TMEM114: variants seen among roughly 807,000 people sequenced by gnomAD.
TMEM114 encodes the protein claudin-26.
A neutral mutation model predicts 6.2 loss-of-function variants in TMEM114; 6 were observed. The ratio of observed to expected loss-of-function variants is 0.97; its 90% CI spans 0.53 to 1.91. TMEM114 has a LOEUF of 1.91. Ranked by LOEUF, TMEM114 falls within the 40% of genes most tolerant of loss-of-function variation. TMEM114 has a pLI of 0.01. For synonymous variants in TMEM114, 104 were observed against 73.0 expected (o/e 1.42, Z -2.16); for missense variants, 218 against 158.3 (o/e 1.38, Z -2.02).
chr16:8,544,224 C>A (rs528114665), intron 2 of TMEM114, among the ~76,000 whole-genome samples: 95 of 152,276 alleles, frequency 6.2e-4, no homozygotes, highest in African/African-American at 2.2e-3. Flanking sequence ...CTCATGCTGG[C>A]TTTATGTCTT....
chr16:8,564,689 GTGAATGAGTGAGTGAGTGAA>G (rs1478713919), downstream of TMEM114, among the ~76,000 whole-genome samples: 10 of 125,134 alleles, frequency 8.0e-5, 2 homozygotes, highest in Non-Finnish European at 1.7e-4. Context: ...GAATGAGTGA[GTGAATGAGTGAGTGAGTGAA>G]TGAGTGAGTA....
the TMEM114 span, among the ~76,000 whole-genome samples, chr16:8,527,123 C>A: frequency 6.6e-6 from 1 of 152,190 alleles, no homozygotes; most frequent in African/African-American, 2.4e-5. Context: ...AGGAGAATTG[C>A]TTGAACCCGG....
chr16:8,571,116 CT>C (rs369576574), intron 3 of TMEM114, among the ~76,000 whole-genome samples: 71 of 102,884 alleles, frequency 6.9e-4, no homozygotes, highest in South Asian at 3.3e-3. Flanking sequence ...GTCATCACTG[CT>C]TTTTTTTTTT....
chr16:8,575,699 T>C (rs911839927), intron 2 of TMEM114, among the ~76,000 whole-genome samples: 1 of 152,230 alleles, frequency 6.6e-6, no homozygotes, highest in African/African-American at 2.4e-5. Context: ...GTATGCACTT[T>C]ACAGGATTGT....
chr16:8,540,859 A>G (rs940708755), intron 2 of TMEM114, among the ~76,000 whole-genome samples: 2 of 152,244 alleles, frequency 1.3e-5, no homozygotes, highest in African/African-American at 2.4e-5. Context: ...GGAGGACTTG[A>G]TCTAATGAGA....
At chr16:8,541,447 G>C (rs1425573616) in intron 2 of TMEM114, among the ~76,000 whole-genome samples, 24 of 152,110 alleles carry the variant, frequency 1.6e-4, no homozygotes, top group Non-Finnish European at 2.9e-5. Context: ...TTTGTAAACA[G>C]TGATATCTAC....
chr16:8,538,794 C>G (rs1900436448), intron 2 of TMEM114, among the ~76,000 whole-genome samples: 1 of 152,172 alleles, frequency 6.6e-6, no homozygotes, highest in South Asian at 2.1e-4. Context: ...GTGTGAGCCA[C>G]CGCGCCCGCC....
intron 2 of TMEM114, among the ~76,000 whole-genome samples, chr16:8,545,442 TCAA>T (rs1463695133): frequency 6.6e-6 from 1 of 152,038 alleles, no homozygotes; most frequent in Non-Finnish European, 1.5e-5. Flanking sequence ...CAGAAAATAA[TCAA>T]CATCATCATC....
chr16:8,561,069 G>C (rs1267067919), intron 2 of TMEM114, among the ~76,000 whole-genome samples: 1 of 152,140 alleles, frequency 6.6e-6, no homozygotes, highest in African/African-American at 2.4e-5. Context: ...AACAGTATGG[G>C]GGAAACTGCT....
In TMEM114 at chr16:8,559,211, T is replaced by C. The variant is rs528805647; in HGVS notation, n.213-21385A>G. Among the ~76,000 whole-genome samples the C allele has an allele frequency of 2.0e-5, 3 of 152,018 alleles. No individual in the cohort carries two copies. In the South Asian group the frequency reaches 6.2e-4, roughly 32 times the overall value. ...GCATGCGCCACTACGCCCGGATAAT[T>C]TTTGTATTTTTAGCAGAGACGGGGT... On this transcript the variant is annotated intron_variant and non_coding_transcript_variant, in intron 2 of 2. Transcript: ENST00000623677.
At chr16:8,537,564 G>C (rs1442318759), downstream of TMEM114, 1 of 152,062 alleles carries the variant, frequency 6.6e-6, no homozygotes, top group African/African-American at 2.4e-5. Flanking sequence ...TCTGCCACCA[G>C]GATATAACTG....
At chr16:8,568,074 T>C (rs149384565), downstream of TMEM114, among the ~76,000 whole-genome samples, 10 of 152,302 alleles carry the variant, frequency 6.6e-5, no homozygotes, top group East Asian at 1.5e-3. Flanking sequence ...CAGGCAGTTC[T>C]GAAGTTTACT....
chr16:8,549,178 T>C lies in TMEM114; in HGVS notation n.213-11352A>G, dbSNP rs546349844. Among the ~76,000 whole-genome samples, 12 of 76,280 alleles carry C rather than the reference T, an allele frequency of 1.6e-4. No homozygotes were observed. The South Asian group carries it at 5.2e-3, about 33-fold the overall frequency. The allele number at this position is 76,280 out of a possible 152,430, so 50.0% of individuals were successfully genotyped here. A position where few individuals can be genotyped will look rare whatever the true frequency, so the allele number is the denominator to read the frequency against. The stretch of plus-strand genomic sequence containing the variant: ...GCCTGGGCAACAGAACGAGACTCCA[T>C]CTCAAAAAAAAAAAAAAAAAAAAAG... On this transcript the variant is annotated intron_variant and non_coding_transcript_variant, in intron 2 of 2. Transcript: ENST00000623677.
the TMEM114 span, among the ~76,000 whole-genome samples, chr16:8,527,019 C>T: frequency 6.6e-6 from 1 of 152,138 alleles, no homozygotes; most frequent in Non-Finnish European, 1.5e-5. Flanking sequence ...ACCAGCCTGG[C>T]CAACATGGGG....
downstream of TMEM114, among the ~76,000 whole-genome samples, chr16:8,536,493 G>A (rs187489715): frequency 1.4e-3 from 217 of 152,254 alleles, 1 homozygote; most frequent in African/African-American, 4.9e-3. Flanking sequence ...ATAATGACTA[G>A]CAATGGGGAG....
chr16:8,559,728 G>GTTC (rs1901138415), intron 2 of TMEM114, among the ~76,000 whole-genome samples: 1 of 148,390 alleles, frequency 6.7e-6, no homozygotes. Flanking sequence ...CTCACAAGGA[G>GTTC]AAGGTGGCTG....
chr16:8,551,527 C>G (rs1196493203), intron 2 of TMEM114, among the ~76,000 whole-genome samples: 2 of 152,154 alleles, frequency 1.3e-5, no homozygotes, highest in Non-Finnish European at 2.9e-5. Context: ...CAGTTGGCCC[C>G]AAACTCAACT....
chr16:8,564,075 G>T (rs1011097106), intron 2 of TMEM114, among the ~76,000 whole-genome samples: 2 of 148,216 alleles, frequency 1.3e-5, no homozygotes, highest in Admixed American at 6.6e-5. Context: ...GTGAGTGAGT[G>T]CATGAATGAG....
downstream of TMEM114, among the ~76,000 whole-genome samples, chr16:8,532,633 T>C (rs1298560575): frequency 1.3e-5 from 2 of 152,146 alleles, no homozygotes; most frequent in East Asian, 1.9e-4. Flanking sequence ...GCTCAAGAAA[T>C]AATCATTCAG....
Sources: allele counts gnomAD v4.1 joint callset (sites outside exome capture counted in the v4.1 genomes callset), GRCh38; gene constraint gnomAD v4.1.1; transcripts MANE v1.5; gene names NCBI Gene and HGNC (gene_info 2026-07-23, HGNC 2026-07-21).